The following KIF13B variants were observed in gnomAD, a reference collection of about 807,000 sequenced individuals.
KIF13B encodes kinesin family member 13B, also known as kinesin-like protein KIF13B.
Under a neutral mutation model 222.0 loss-of-function variants are expected in KIF13B, and 127 were observed. That is an observed-to-expected ratio of 0.57 (90% CI 0.50 to 0.66). The LOEUF (loss-of-function observed/expected upper bound fraction) is 0.66. Ranked by LOEUF, KIF13B falls within the 30% of genes least tolerant of loss-of-function variation. The probability of loss-of-function intolerance (pLI) is 0.00; values close to 1 mark genes in which losing one functional copy is unlikely to be tolerated. For missense variants in KIF13B, 2,173 were observed against 2,379.0 expected (o/e 0.91, Z 1.80); for synonymous variants, 976 against 919.0 (o/e 1.06, Z -1.12).
At chr8:29,100,648 C>T (rs1808744600) in intron 35 of KIF13B, among the ~76,000 whole-genome samples, 1 of 152,136 alleles carries the variant, frequency 6.6e-6, no homozygotes, top group African/African-American at 2.4e-5. Flanking sequence ...GGTGTTTCCT[C>T]CATGTTGGTC....
At chr8:29,251,132 C>T (rs1046454993) in intron 1 of KIF13B, among the ~76,000 whole-genome samples, 1 of 151,412 alleles carries the variant, frequency 6.6e-6, no homozygotes, top group African/African-American at 2.4e-5. Context: ...GCCTGGGCAA[C>T]GAGGGGAGAC....
intron 1 of KIF13B, among the ~76,000 whole-genome samples, chr8:29,247,328 C>G (rs181128181): frequency 1.1e-3 from 171 of 152,256 alleles, no homozygotes; most frequent in Middle Eastern, 3.4e-3. Context: ...TTCAGGGTTA[C>G]AGTGAGCTAT....
chr8:29,071,062 T>G lies in KIF13B; in HGVS notation c.5219-296A>C, dbSNP rs2133461870. On this transcript the variant is annotated intron_variant, in intron 39 of 39. Coordinates refer to ENST00000524189, the MANE Select transcript of KIF13B (RefSeq NM_015254.4). This position sits in a 1 kb window ranked among gnomAD's most constrained non-coding sequence, Gnocchi z 4.9. ...CCTGGGGGCCCTGGGGAGTGCCTTG[T>G]GGAAGCATAGGTGCAGGCCAGCCAC... Among the ~76,000 whole-genome samples the G allele has an allele frequency of 1.3e-5, 2 of 152,220 alleles. No individual in the cohort carries two copies. The highest frequency in any genetic ancestry group is 4.1e-4 in the South Asian group (2 of 4,828).
At chr8:29,073,645 T>C (rs920177911) in intron 38 of KIF13B, among the ~76,000 whole-genome samples, 5 of 152,244 alleles carry the variant, frequency 3.3e-5, no homozygotes, top group African/African-American at 1.2e-4. Context: ...ATGGTCATTT[T>C]CCATTTGAAA....
Position 29,165,667 on chromosome 8 carries a change from CA to C in KIF13B, c.1263del (p.Ile421MetfsTer31). 6.2e-7 allele frequency: 1 copy of C among 1,601,236 alleles called. No individual in the cohort carries two copies. The highest frequency in any genetic ancestry group is 8.6e-7 in the Non-Finnish European group (1 of 1,168,204). On this transcript the variant is annotated frameshift_variant, in exon 12 of 40. Coordinates refer to ENST00000524189, the MANE Select transcript of KIF13B (RefSeq NM_015254.4). LOFTEE classifies it high-confidence loss of function. ...WEEKLRKTEE[I>X]AQERQKQLES... The stretch of plus-strand genomic sequence containing the variant: ...CATCATCAGGAAACACGAACCTGTG[CA>C]ATCTCCTCCGTTTTCCTTAATTTCT...
At chr8:29,095,147 A>G (rs932166295) in intron 36 of KIF13B, among the ~76,000 whole-genome samples, 1 of 152,202 alleles carries the variant, frequency 6.6e-6, no homozygotes, top group East Asian at 1.9e-4. Context: ...CGGATCCAAT[A>G]ACTTGATAAG....
intron 32 of KIF13B, among the ~76,000 whole-genome samples, chr8:29,111,958 AAACAGGCTT>A (rs988942929): frequency 6.6e-5 from 10 of 152,266 alleles, no homozygotes; most frequent in Admixed American, 6.5e-4. Flanking sequence ...CTAACTCTGC[AAACAGGCTT>A]AATTTTTAAA....
intron 35 of KIF13B, among the ~76,000 whole-genome samples, chr8:29,099,496 T>A (rs1808694673): frequency 1.3e-5 from 2 of 152,108 alleles, no homozygotes; most frequent in African/African-American, 2.4e-5. Flanking sequence ...CGCCTCAGCC[T>A]CCATAGCAGT....
intron 21 of KIF13B, among the ~76,000 whole-genome samples, chr8:29,137,407 GC>G (rs1388000653): frequency 6.6e-6 from 1 of 152,204 alleles, no homozygotes; most frequent in Non-Finnish European, 1.5e-5. Context: ...ACTTCAACTT[GC>G]AGCTGTTCAA....
chr8:29,215,467 C>G (rs912298112), intron 2 of KIF13B, among the ~76,000 whole-genome samples: 1 of 152,282 alleles, frequency 6.6e-6, no homozygotes, highest in Non-Finnish European at 1.5e-5. Context: ...GAGGGAGGAT[C>G]GCTTGAGCTC....
intron 1 of KIF13B, among the ~76,000 whole-genome samples, chr8:29,258,636 C>G (rs1339884319): frequency 6.6e-6 from 1 of 152,166 alleles, no homozygotes; most frequent in Non-Finnish European, 1.5e-5. Flanking sequence ...ATTCTAGTCT[C>G]TGTGTCCTCA....
intron 1 of KIF13B, among the ~76,000 whole-genome samples, chr8:29,255,159 C>G (rs1282569082): frequency 6.6e-6 from 1 of 152,186 alleles, no homozygotes; most frequent in African/African-American, 2.4e-5. Context: ...TGACTGCTAA[C>G]AGTTACAAGG....
At position 29,177,468 on chromosome 8, in the gene KIF13B, G is replaced by A; in HGVS notation, c.831C>T (p.Asn277=). The change falls in exon 9 of 40, where the codon AAC becomes AAT. Residue 277 remains asparagine, a splice_region_variant and synonymous_variant. Coordinates refer to ENST00000524189, the MANE Select transcript of KIF13B (RefSeq NM_015254.4). ...GDRLKEGSNI[N]KSLTTLGLVI... is the part of the protein sequence containing the mutation. The stretch of plus-strand genomic sequence containing the variant: ...AAATAAGCTTTGAGAGCACTTACTT[G>A]TTAATGTTGCTCCCTTCCTTCAGCC... The A allele has an allele frequency of 6.3e-7, 1 of 1,590,586 alleles. No homozygotes were observed.
At chr8:29,189,815 G>A (rs906895413) in intron 4 of KIF13B, 1 of 152,284 alleles carries the variant, frequency 6.6e-6, no homozygotes, top group Non-Finnish European at 1.5e-5. Context: ...CCGGCCTCAT[G>A]TAAGAGCTGG....
intron 1 of KIF13B, among the ~76,000 whole-genome samples, chr8:29,260,579 A>C (rs1311945964): frequency 6.6e-6 from 1 of 152,184 alleles, no homozygotes; most frequent in Non-Finnish European, 1.5e-5. Context: ...CAAGGAAGAA[A>C]AAAAAGGAAA....
At chr8:29,201,462 A>T (rs1813688267) in intron 2 of KIF13B, among the ~76,000 whole-genome samples, 1 of 152,238 alleles carries the variant, frequency 6.6e-6, no homozygotes, top group Non-Finnish European at 1.5e-5. Flanking sequence ...AAAATGTTGT[A>T]ATACTTCTGT....
chr8:29,177,190 C>A (rs1475029587), intron 9 of KIF13B, among the ~76,000 whole-genome samples: 4 of 151,392 alleles, frequency 2.6e-5, no homozygotes, highest in Non-Finnish European at 4.4e-5. Context: ...GCCAGGGATG[C>A]GGCTAGACAC....
intron 16 of KIF13B, among the ~76,000 whole-genome samples, chr8:29,148,000 C>G (rs1302011621): frequency 6.6e-6 from 1 of 152,182 alleles, no homozygotes; most frequent in Non-Finnish European, 1.5e-5. Context: ...GAGTTTGAGA[C>G]CAGCCTGGCC....
chr8:29,118,694 G>C (rs1330326943), intron 30 of KIF13B, among the ~76,000 whole-genome samples, 174 bp downstream of exon 30: 1 of 152,204 alleles, frequency 6.6e-6, no homozygotes. Flanking sequence ...AAGGTGAATG[G>C]ATGTAATATG....
Sources: allele counts gnomAD v4.1 joint callset (sites outside exome capture counted in the v4.1 genomes callset), GRCh38; gene constraint gnomAD v4.1.1; non-coding constraint Gnocchi (gnomAD v3.1); transcripts MANE v1.5; gene names NCBI Gene and HGNC (gene_info 2026-07-23, HGNC 2026-07-21).